The following ITGA9 variants were observed in gnomAD, a reference collection of about 807,000 sequenced individuals.
The protein encoded by ITGA9 is integrin alpha-9.
ITGA9 carries 56 observed loss-of-function variants against 127.8 expected under a neutral mutation model. The ratio of observed to expected loss-of-function variants is 0.44; its 90% CI spans 0.35 to 0.55. The LOEUF is 0.55. ITGA9 is among the 20% of genes least tolerant of loss of function. The pLI is 0.00. For synonymous variants in ITGA9, 508 were observed against 514.5 expected (o/e 0.99, Z 0.17); for missense variants, 1,196 against 1,347.1 (o/e 0.89, Z 1.76).
intron 15 of ITGA9, among the ~76,000 whole-genome samples, chr3:37,557,825 C>T (rs547110764): frequency 1.3e-5 from 2 of 152,094 alleles, no homozygotes; most frequent in South Asian, 2.1e-4. Flanking sequence ...AAAATAAAAT[C>T]TCATTTTACC....
At chr3:37,720,892 G>A (rs1194786923) in intron 18 of ITGA9, among the ~76,000 whole-genome samples, 2 of 152,188 alleles carry the variant, frequency 1.3e-5, no homozygotes, top group African/African-American at 2.4e-5. Context: ...GCTTATTCAA[G>A]TGCTTTTGAA....
At chr3:37,575,594 C>T (rs937769028) in intron 15 of ITGA9, among the ~76,000 whole-genome samples, 4 of 151,960 alleles carry the variant, frequency 2.6e-5, no homozygotes, top group African/African-American at 9.7e-5. Context: ...GCAGCTCTGC[C>T]CAAGGTGTTA....
chr3:37,572,693 T>C (rs547789810), intron 15 of ITGA9, among the ~76,000 whole-genome samples: 1 of 152,222 alleles, frequency 6.6e-6, no homozygotes, highest in Non-Finnish European at 1.5e-5. Context: ...TATATGCTTT[T>C]TAAGGACTAC....
At chr3:37,708,747 C>G (rs890263922) in intron 18 of ITGA9, among the ~76,000 whole-genome samples, 1 of 178 alleles carries the variant, frequency 5.6e-3, no homozygotes, top group African/African-American at 0.036. Flanking sequence ...TCCCTTTTTA[C>G]ACATGAGATG....
chr3:37,678,526 C>T (rs1173617795), intron 17 of ITGA9, among the ~76,000 whole-genome samples: 1 of 152,108 alleles, frequency 6.6e-6, no homozygotes, highest in African/African-American at 2.4e-5. Context: ...TTGGTAGATA[C>T]AATACCGATA....
chr3:37,711,935 C>G (rs960256155), intron 18 of ITGA9, among the ~76,000 whole-genome samples: 1 of 152,188 alleles, frequency 6.6e-6, no homozygotes, highest in Non-Finnish European at 1.5e-5. Flanking sequence ...GCCTGAGCAG[C>G]CCTGCAAATA....
chr3:37,460,487 A>T (rs1323571448), intron 1 of ITGA9, among the ~76,000 whole-genome samples: 28 of 151,976 alleles, frequency 1.8e-4, no homozygotes, highest in African/African-American at 6.5e-4. Context: ...GCTTCAGGTG[A>T]TGGATACCCC....
chr3:37,727,360 A>G (rs1184558968), intron 18 of ITGA9, among the ~76,000 whole-genome samples: 3 of 152,228 alleles, frequency 2.0e-5, no homozygotes, highest in African/African-American at 7.2e-5. Flanking sequence ...CCAGACAAGG[A>G]AAAGTGGGAC....
intron 6 of ITGA9, among the ~76,000 whole-genome samples, chr3:37,503,831 A>AATGTAGCT (rs1698814073): frequency 6.6e-6 from 1 of 152,254 alleles, no homozygotes; most frequent in Non-Finnish European, 1.5e-5. Flanking sequence ...GACACAATTT[A>AATGTAGCT]ATGTAGCTAT....
intron 20 of ITGA9, among the ~76,000 whole-genome samples, chr3:37,737,342 T>C (rs1696375985): frequency 6.7e-6 from 1 of 148,338 alleles, no homozygotes; most frequent in Admixed American, 6.7e-5. Flanking sequence ...GCAAATTGTC[T>C]GGCTGGGCCC....
intron 9 of ITGA9, 106 bp downstream of exon 9, chr3:37,514,006 C>G: frequency 1.5e-6 from 2 of 1,330,536 alleles, no homozygotes; most frequent in Non-Finnish European, 2.2e-6. Flanking sequence ...GCAATGTTAC[C>G]CAGAGGAGAT....
chr3:37,789,840 T>A, intron 26 of ITGA9: 4 of 323,288 alleles, frequency 1.2e-5, no homozygotes, highest in Admixed American at 4.5e-5. Flanking sequence ...GTAATTAACA[T>A]AATTTAATAT....
chr3:37,697,125 A>G (rs1262480641), intron 18 of ITGA9, among the ~76,000 whole-genome samples: 17 of 152,124 alleles, frequency 1.1e-4, no homozygotes, highest in Admixed American at 1.1e-3. Context: ...AACTAAAGAA[A>G]AAGAGAAAAG....
chr3:37,643,140 G>T (rs60227657), intron 16 of ITGA9, among the ~76,000 whole-genome samples: 2,827 of 152,282 alleles, frequency 0.019, 97 homozygotes, highest in African/African-American at 0.064. Flanking sequence ...TGGAGTCAGG[G>T]CAGCAGTTTG....
intron 4 of ITGA9, among the ~76,000 whole-genome samples, chr3:37,483,261 G>A (rs1698574923): frequency 6.6e-6 from 1 of 152,152 alleles, no homozygotes; most frequent in Non-Finnish European, 1.5e-5. Context: ...TCTGAAGAGG[G>A]AGGTGGAGTT....
At chr3:37,559,273 AGC>A (rs1491112892) in intron 15 of ITGA9, among the ~76,000 whole-genome samples, 4 of 109,284 alleles carry the variant, frequency 3.7e-5, no homozygotes, top group Non-Finnish European at 5.7e-5. Context: ...AAACTATGTG[AGC>A]ACACACACAC....
At chr3:37,672,004 G>T (rs745850873) in intron 17 of ITGA9, among the ~76,000 whole-genome samples, 2 of 152,172 alleles carry the variant, frequency 1.3e-5, no homozygotes, top group African/African-American at 4.8e-5. Context: ...TAATGTTGCT[G>T]TTTGGATTTT....
At chr3:37,656,254 AT>A (rs1291580028) in intron 17 of ITGA9, among the ~76,000 whole-genome samples, 1 of 152,156 alleles carries the variant, frequency 6.6e-6, no homozygotes, top group Non-Finnish European at 1.5e-5. Flanking sequence ...CTTGATGGGG[AT>A]TGCATTGACT....
chr3:37,454,959 CTTATTGTG>C (rs1698240599), intron 1 of ITGA9, among the ~76,000 whole-genome samples: 1 of 152,198 alleles, frequency 6.6e-6, no homozygotes, highest in Non-Finnish European at 1.5e-5. Context: ...AGAGGCTAGA[CTTATTGTG>C]CAAGGCTGCT....
Sources: gnomAD v4.1 joint callset for allele counts (sites outside exome capture counted in the v4.1 genomes callset) on GRCh38, gnomAD v4.1.1 for gene constraint, MANE v1.5 for transcripts, NCBI Gene and HGNC (gene_info 2026-07-23, HGNC 2026-07-21) for gene names.